Variants in HYDIN observed in about 807,000 individuals in gnomAD.
HYDIN encodes axonemal central pair apparatus protein HYDIN.
A neutral mutation model predicts 403.9 loss-of-function variants in HYDIN; 132 were observed. That is an observed-to-expected ratio of 0.33 (90% CI 0.28 to 0.38). The LOEUF is 0.38. Ranked by LOEUF, HYDIN falls within the 10% of genes least tolerant of loss-of-function variation. The pLI is 1.00. For synonymous variants in HYDIN, 1,202 were observed against 1,891.7 expected, an observed-to-expected ratio of 0.64 and a Z score of 9.46; for missense variants, 2,827 against 5,009.5, an observed-to-expected ratio of 0.56 and a Z score of 13.15.
chr16:70,840,662 G>T (rs1488397247), intron 75 of HYDIN, among the ~76,000 whole-genome samples: 1 of 152,176 alleles, frequency 6.6e-6, no homozygotes, highest in African/African-American at 2.4e-5. Flanking sequence ...AGGACAAGAG[G>T]GTGTTCTATC....
chr16:70,850,325 G>A (rs1352470756), intron 74 of HYDIN, 123 bp downstream of exon 74: 3 of 936,488 alleles, frequency 3.2e-6, no homozygotes, highest in Admixed American at 2.6e-5. Context: ...CTCTTGCAGT[G>A]TTTCTGTTTT....
chr16:71,163,247 C>T (rs1434915153), intron 5 of HYDIN, among the ~76,000 whole-genome samples: 3 of 151,888 alleles, frequency 2.0e-5, no homozygotes, highest in South Asian at 4.2e-4. Context: ...CTCGGCCTCC[C>T]GAGTAGCTGG....
At chr16:70,894,379 A>G in intron 55 of HYDIN, 70 bp downstream of exon 55, 1 of 1,603,936 alleles carries the variant, frequency 6.2e-7, no homozygotes, top group Non-Finnish European at 8.5e-7. Flanking sequence ...CCTGAACACG[A>G]TCTCATATTT....
intron 58 of HYDIN, among the ~76,000 whole-genome samples, chr16:70,884,497 C>T (rs1567764165): frequency 6.6e-6 from 1 of 152,136 alleles, no homozygotes; most frequent in Non-Finnish European, 1.5e-5. Flanking sequence ...GTGACACACG[C>T]CTGGGTTTGA....
chr16:70,984,925 G>C (rs1165280331), intron 28 of HYDIN: 1 of 370,106 alleles, frequency 2.7e-6, no homozygotes, highest in Admixed American at 4.3e-5. Context: ...CATTATCATG[G>C]AAAAAAAATC....
chr16:70,930,825 T>A (rs932859985), intron 45 of HYDIN, among the ~76,000 whole-genome samples: 26 of 152,328 alleles, frequency 1.7e-4, no homozygotes, highest in Non-Finnish European at 2.4e-4. Context: ...TTTGGAGAAT[T>A]ATAATACAAT....
chr16:70,961,793 T>C (rs1237683800), intron 38 of HYDIN, among the ~76,000 whole-genome samples, 166 bp downstream of exon 38: 1 of 152,088 alleles, frequency 6.6e-6, no homozygotes, highest in African/African-American at 2.4e-5. Context: ...TGTATCCTAC[T>C]GTGAGTGGCA....
intron 10 of HYDIN, among the ~76,000 whole-genome samples, chr16:71,098,756 AG>A (rs2083365370): frequency 2.0e-5 from 3 of 146,394 alleles, no homozygotes; most frequent in African/African-American, 7.5e-5. Flanking sequence ...AAAAAAAAAA[AG>A]GAGATGTGTT....
chr16:70,838,687 C>T (rs1235332530), intron 76 of HYDIN, among the ~76,000 whole-genome samples: 1 of 152,016 alleles, frequency 6.6e-6, no homozygotes, highest in Non-Finnish European at 1.5e-5. Flanking sequence ...GTTATGTGGC[C>T]CACTTGGGTC....
intron 77 of HYDIN, among the ~76,000 whole-genome samples, chr16:70,837,454 G>T (rs1373872663): frequency 6.6e-6 from 1 of 152,142 alleles, no homozygotes; most frequent in Non-Finnish European, 1.5e-5. Flanking sequence ...TGTATCCTTT[G>T]ATACAGTAAA....
chr16:71,065,383 G>A (rs2082229225), intron 15 of HYDIN, among the ~76,000 whole-genome samples: 4 of 151,588 alleles, frequency 2.6e-5, no homozygotes, highest in South Asian at 2.1e-4. Flanking sequence ...TCACTGTGCC[G>A]ACATGGCGGG....
At chr16:70,932,827 T>G (rs2077386500) in intron 45 of HYDIN, among the ~76,000 whole-genome samples, 1 of 152,230 alleles carries the variant, frequency 6.6e-6, no homozygotes, top group South Asian at 2.1e-4. Flanking sequence ...CAGCAAGGAT[T>G]AAAAGGAATG....
Position 70,971,160 on chromosome 16 carries a change from G to C in HYDIN, c.5380-401C>G, listed in dbSNP as rs557939754. Among the ~76,000 whole-genome samples, 5 of 152,282 alleles carry C rather than the reference G, an allele frequency of 3.3e-5. No individual in the cohort carries two copies. The South Asian group carries it at 1.0e-3, about 32-fold the overall frequency. On this transcript the variant is annotated intron_variant, in intron 35 of 85. Coordinates refer to ENST00000393567, the MANE Select transcript of HYDIN (RefSeq NM_001270974.2). ...TGCTGTCCATGGGCAGGGGAGGGCA[G>C]GGCAAAAATGCCAGGGAAATGATAC... is the stretch of plus-strand genomic sequence containing the variant.
At chr16:71,090,048 C>A (rs2083066846) in intron 11 of HYDIN, 1 of 109,532 alleles carries the variant, frequency 9.1e-6, no homozygotes, top group African/African-American at 4.1e-5. Flanking sequence ...GAGTCGGCAG[C>A]AGAGGCAGAG....
intron 30 of HYDIN, among the ~76,000 whole-genome samples, chr16:70,976,159 T>C (rs964786419): frequency 1.3e-5 from 2 of 152,228 alleles, no homozygotes; most frequent in Non-Finnish European, 2.9e-5. Context: ...GTGTGACAAA[T>C]GATGGTGTCA....
chr16:70,909,769 C>T (rs867061385), intron 47 of HYDIN, among the ~76,000 whole-genome samples: 1 of 145,990 alleles, frequency 6.8e-6, no homozygotes, highest in Non-Finnish European at 1.5e-5. Flanking sequence ...CATCTCAGCT[C>T]ACTGCAAGCT....
intron 62 of HYDIN, among the ~76,000 whole-genome samples, chr16:70,877,994 G>C: frequency 6.6e-6 from 1 of 152,094 alleles, no homozygotes. Flanking sequence ...TTCTTCAGTT[G>C]GTAGGAAAAG....
At chr16:71,224,559 C>CTTTTTTTTT (rs34595246) in intron 1 of HYDIN, among the ~76,000 whole-genome samples, 1 of 117,388 alleles carries the variant, frequency 8.5e-6, no homozygotes, top group East Asian at 2.4e-4. Context: ...TAAGGTTTTT[C>CTTTTTTTTT]TTTTTTTTTT....
intron 73 of HYDIN, among the ~76,000 whole-genome samples, chr16:70,851,203 C>CAAAAAAAAAAAAAAA (rs4028101): frequency 9.0e-5 from 2 of 22,166 alleles, no homozygotes; most frequent in African/African-American, 2.8e-4. Flanking sequence ...ATCAATCCTG[C>CAAAAAAAAAAAAAAA]AAAAAAAAAA....
Sources: gnomAD v4.1 joint callset for allele counts (sites outside exome capture counted in the v4.1 genomes callset) on GRCh38, gnomAD v4.1.1 for gene constraint, MANE v1.5 for transcripts, NCBI Gene and HGNC (gene_info 2026-07-23, HGNC 2026-07-21) for gene names.